MAGI1: variants seen among roughly 807,000 people sequenced by gnomAD.
The protein encoded by MAGI1 is membrane-associated guanylate kinase, WW and PDZ domain-containing protein 1.
MAGI1 carries 58 observed loss-of-function variants against 139.9 expected under a neutral mutation model. That is an observed-to-expected ratio of 0.41 (90% CI 0.34 to 0.52). The LOEUF is 0.52. Ranked by LOEUF, MAGI1 falls within the 20% of genes least tolerant of loss-of-function variation. The pLI is 0.12. For missense variants in MAGI1, 1,874 were observed against 1,901.6 expected (o/e 0.99, Z 0.27); for synonymous variants, 812 against 737.9 (o/e 1.10, Z -1.63).
chr3:65,899,615 C>G lies in MAGI1; in HGVS notation c.313+138381G>C, dbSNP rs1344075765. Among the ~76,000 whole-genome samples the G allele has an allele frequency of 7.9e-5, 12 of 152,096 alleles. 1 individual carries two copies. The highest frequency in any genetic ancestry group is 7.2e-4 in the Admixed American group (11 of 15,270). On this transcript the variant is annotated intron_variant, in intron 1 of 22. Coordinates refer to ENST00000402939, the MANE Select transcript of MAGI1 (RefSeq NM_001033057.2). ...TACCAGGGGAATAAAATTAAGAGAG[C>G]TGAAAACAGAAAGAACAACTATGAC...
chr3:65,506,972 C>A (rs138516036), intron 2 of MAGI1, among the ~76,000 whole-genome samples: 1 of 152,052 alleles, frequency 6.6e-6, no homozygotes. Context: ...AAGTATACAG[C>A]GAAATAGTCA....
At chr3:65,616,750 T>C (rs867037547) in intron 2 of MAGI1, among the ~76,000 whole-genome samples, 17 of 152,362 alleles carry the variant, frequency 1.1e-4, no homozygotes, top group South Asian at 2.1e-4. Context: ...TCATGAGTTA[T>C]GACCGGAAGC....
intron 3 of MAGI1, among the ~76,000 whole-genome samples, chr3:65,490,391 A>G (rs145072967): frequency 0.017 from 2,555 of 152,300 alleles, 67 homozygotes; most frequent in African/African-American, 0.057. Flanking sequence ...GACAGCAGCC[A>G]CCATCAGGGG....
chr3:66,029,920 G>A (rs139922896), intron 1 of MAGI1, among the ~76,000 whole-genome samples: 155 of 152,220 alleles, frequency 1.0e-3, no homozygotes, highest in African/African-American at 3.5e-3. Context: ...TCAGCCACCT[G>A]GTACCCCTTG....
intron 2 of MAGI1, among the ~76,000 whole-genome samples, chr3:65,568,294 T>A (rs2080772616): frequency 6.6e-6 from 1 of 152,174 alleles, no homozygotes; most frequent in African/African-American, 2.4e-5. Context: ...AATAAAATAT[T>A]TTTTGACTGG....
At chr3:66,034,219 T>C (rs1457523679) in intron 1 of MAGI1, among the ~76,000 whole-genome samples, 2 of 142,454 alleles carry the variant, frequency 1.4e-5, no homozygotes, top group South Asian at 5.1e-4. Context: ...CCCAGGAATC[T>C]GGATTTCTAA....
intron 1 of MAGI1, among the ~76,000 whole-genome samples, chr3:65,837,659 C>T (rs883088): frequency 0.47 from 71,777 of 152,024 alleles, 18,440 homozygotes; most frequent in East Asian, 0.77. Context: ...ATGCAAAGCG[C>T]GAAGTAACTC....
chr3:66,016,977 G>T (rs1424054506), intron 1 of MAGI1, among the ~76,000 whole-genome samples: 1 of 152,210 alleles, frequency 6.6e-6, no homozygotes, highest in Non-Finnish European at 1.5e-5. Flanking sequence ...GAGGTCACCA[G>T]GGGCCAGGGG....
chr3:65,808,005 C>G (rs2040979498), intron 1 of MAGI1, among the ~76,000 whole-genome samples: 1 of 142,604 alleles, frequency 7.0e-6, no homozygotes. Context: ...CACTTGAGGT[C>G]AGGACTTTTT....
chr3:65,985,780 GTTTGGCTCACATT>G (rs1309740264), intron 1 of MAGI1, among the ~76,000 whole-genome samples: 1 of 152,188 alleles, frequency 6.6e-6, no homozygotes, highest in African/African-American at 2.4e-5. Context: ...GATAGACCCA[GTTTGGCTCACATT>G]TTTTGCATCT....
chr3:66,015,348 G>A (rs1329089826), intron 1 of MAGI1, among the ~76,000 whole-genome samples: 5 of 151,920 alleles, frequency 3.3e-5, no homozygotes, highest in Non-Finnish European at 5.9e-5. Context: ...AGCACCTTAC[G>A]TCCTGCAGGC....
chr3:65,358,556 T>A (rs1162469481), intron 22 of MAGI1, among the ~76,000 whole-genome samples: 1 of 152,180 alleles, frequency 6.6e-6, no homozygotes, highest in Non-Finnish European at 1.5e-5. Flanking sequence ...ACCATCTCTG[T>A]TACAGCTATT....
chr3:65,966,329 TTC>T (rs1435092353), intron 1 of MAGI1, among the ~76,000 whole-genome samples: 1 of 152,176 alleles, frequency 6.6e-6, no homozygotes, highest in Non-Finnish European at 1.5e-5. Context: ...CAGCAAGGTG[TTC>T]TCTCTTCTGC....
At chr3:65,581,688 C>G (rs990004094) in intron 2 of MAGI1, among the ~76,000 whole-genome samples, 1 of 152,158 alleles carries the variant, frequency 6.6e-6, no homozygotes, top group Non-Finnish European at 1.5e-5. Flanking sequence ...TAATTAAGCC[C>G]TACTGAAACC....
At chr3:65,448,124 A>G (rs1215675629) in intron 6 of MAGI1, 67 bp from the exon 7 acceptor site, 2 of 1,423,958 alleles carry the variant, frequency 1.4e-6, no homozygotes, top group Non-Finnish European at 2.0e-6. Context: ...ACCAGCACCA[A>G]GAAAGGAAAT....
At chr3:65,526,790 T>C (rs1337176381) in intron 2 of MAGI1, among the ~76,000 whole-genome samples, 2 of 152,150 alleles carry the variant, frequency 1.3e-5, no homozygotes, top group Non-Finnish European at 2.9e-5. Context: ...TGTGGGTAAC[T>C]TGGTGATTAA....
chr3:65,800,408 A>G (rs960698831), intron 1 of MAGI1, among the ~76,000 whole-genome samples: 7 of 152,168 alleles, frequency 4.6e-5, no homozygotes, highest in Non-Finnish European at 1.0e-4. Context: ...ATCTTTTAGT[A>G]ATTGTGAATT....
intron 22 of MAGI1, chr3:65,359,946 T>TA: frequency 2.0e-6 from 2 of 985,388 alleles, no homozygotes; most frequent in Non-Finnish European, 1.2e-6. Context: ...TCAATACACC[T>TA]AATGGTCAGA....
chr3:65,475,620 A>G (rs1218244342), intron 4 of MAGI1, among the ~76,000 whole-genome samples: 1 of 152,122 alleles, frequency 6.6e-6, no homozygotes, highest in Non-Finnish European at 1.5e-5. Flanking sequence ...AAGCCCACAT[A>G]GGAAGTGTTC....
Sources: allele counts gnomAD v4.1 joint callset (sites outside exome capture counted in the v4.1 genomes callset), GRCh38; gene constraint gnomAD v4.1.1; transcripts MANE v1.5; gene names NCBI Gene and HGNC (gene_info 2026-07-23, HGNC 2026-07-21).